RADX: variants seen among roughly 807,000 people sequenced by gnomAD.
RADX encodes the protein RPA-related protein RADX.
RADX carries 36 observed loss-of-function variants against 61.6 expected under a neutral mutation model. The ratio of observed to expected loss-of-function variants is 0.58; its 90% CI spans 0.45 to 0.77. The LOEUF (loss-of-function observed/expected upper bound fraction) is 0.77, where lower values mean the gene tolerates loss of function less well. RADX is among the 30% of genes least tolerant of loss of function. The pLI is 0.00. For synonymous variants in RADX, 272 were observed against 237.9 expected, an observed-to-expected ratio of 1.14 and a Z score of -1.32; for missense variants, 497 against 651.1, an observed-to-expected ratio of 0.76 and a Z score of 2.58.
chrX:106,626,619 G>T (rs769827552), intron 3 of RADX, among the ~76,000 whole-genome samples: 5 of 112,171 alleles, frequency 4.5e-5, no homozygotes, highest in South Asian at 3.7e-4. Context: ...TAAGGTATGA[G>T]AAATTATTTA....
chrX:106,670,046 TC>T (rs1012167869), intron 13 of RADX, among the ~76,000 whole-genome samples: 1 of 111,820 alleles, frequency 8.9e-6, no homozygotes, highest in Non-Finnish European at 1.9e-5. Flanking sequence ...TTGTGGTGGG[TC>T]TTTCTAAGCT....
rs569928731 is a variant in RADX at position 106,655,458 on chromosome X, A to G, written c.1979-6557A>G. ...CTGCACCCATTAACTCGTCATTTAC[A>G]TTAGGTATATCTCCTAATGCTATCC... On this transcript the variant is annotated intron_variant, in intron 11 of 13. Coordinates refer to ENST00000372548, the MANE Select transcript of RADX (RefSeq NM_018015.6). 1.1e-4 allele frequency among the ~76,000 whole-genome samples: 12 copies of G among 109,062 alleles called. No homozygotes were observed. The South Asian group carries it at 4.9e-3, about 45-fold the overall frequency. 94.7% of individuals were successfully genotyped at this position (109,062 alleles called of 115,157 possible).
chrX:106,677,980 T>C (rs971836612), intron 13 of RADX, 148 bp from the exon 14 acceptor site: 4 of 341,330 alleles, frequency 1.2e-5, no homozygotes, highest in Non-Finnish European at 2.0e-5. Context: ...ATAATTTTGG[T>C]AAATGCATGT....
intron 1 of RADX, among the ~76,000 whole-genome samples, chrX:106,618,126 G>A (rs768130355): frequency 1.4e-4 from 16 of 111,472 alleles, no homozygotes; most frequent in African/African-American, 4.6e-4. Flanking sequence ...ACCCCAAAAA[G>A]CTAAACAGAA....
intron 11 of RADX, 52 bp downstream of exon 11, chrX:106,648,438 C>A: frequency 1.2e-6 from 1 of 820,403 alleles, no homozygotes; most frequent in South Asian, 2.3e-5. Context: ...AAACATTATT[C>A]TATGAAGATT....
chrX:106,649,979 T>A (rs1249948945), intron 11 of RADX, among the ~76,000 whole-genome samples: 1 of 111,726 alleles, frequency 9.0e-6, no homozygotes, highest in Non-Finnish European at 1.9e-5. Context: ...AAAGTGTTCA[T>A]GGACATCTCA....
chrX:106,637,263 A>G (rs1906269994), intron 7 of RADX, among the ~76,000 whole-genome samples: 2 of 111,974 alleles, frequency 1.8e-5, no homozygotes, highest in South Asian at 7.5e-4. Context: ...AAGGTGTAAC[A>G]TACATCTTTG....
chrX:106,630,360 A>C (rs190973293), intron 3 of RADX, among the ~76,000 whole-genome samples: 1,988 of 109,538 alleles, frequency 0.018, 37 homozygotes, highest in African/African-American at 0.062. Flanking sequence ...AAAAAAAAAA[A>C]CACCTAATAA....
chrX:106,653,081 T>G (rs997059227), intron 11 of RADX, among the ~76,000 whole-genome samples: 28 of 108,770 alleles, frequency 2.6e-4, no homozygotes, highest in African/African-American at 9.0e-4. Flanking sequence ...CTGCAAAAGC[T>G]GCAAAAGCTG....
chrX:106,659,700 C>T (rs1360004684), intron 11 of RADX, among the ~76,000 whole-genome samples: 1 of 111,299 alleles, frequency 9.0e-6, no homozygotes, highest in Non-Finnish European at 1.9e-5. Flanking sequence ...CAACCAATAA[C>T]TGCCAATGTC....
chrX:106,641,823 T>C (rs765353175), intron 10 of RADX, among the ~76,000 whole-genome samples: 2 of 111,378 alleles, frequency 1.8e-5, no homozygotes, highest in African/African-American at 3.3e-5. Flanking sequence ...TTCTTCCATT[T>C]TCCTGAACAA....
At chrX:106,624,300 C>T (rs958104878) in intron 2 of RADX, among the ~76,000 whole-genome samples, 1 of 111,361 alleles carries the variant, frequency 9.0e-6, no homozygotes, top group African/African-American at 3.3e-5. Flanking sequence ...TCTATCAGAG[C>T]ATGCATAACC....
In RADX at chrX:106,612,035, G is replaced by A. The variant is rs755748411; in HGVS notation, c.-46G>A. 7 of 1,168,565 alleles carry A rather than the reference G, an allele frequency of 6.0e-6. No individual in the cohort carries two copies. The highest frequency in any genetic ancestry group is 8.0e-6 in the Non-Finnish European group (7 of 872,405). On this transcript the variant is annotated 5_prime_UTR_variant, in exon 1 of 14. Coordinates refer to ENST00000372548, the MANE Select transcript of RADX (RefSeq NM_018015.6). ...TTTTATTTCTCTCCGCTTTGGACGG[G>A]GCAAACTAGCTTTTGGGAGTGAAGC... is the stretch of plus-strand genomic sequence containing the variant.
At chrX:106,625,679 G>A (rs1927059374) in intron 3 of RADX, among the ~76,000 whole-genome samples, 1 of 111,129 alleles carries the variant, frequency 9.0e-6, no homozygotes, top group African/African-American at 3.3e-5. Context: ...TTGAAAGAAT[G>A]GTATAGAGAA....
At chrX:106,676,394 C>T (rs191941138) in intron 13 of RADX, among the ~76,000 whole-genome samples, 5 of 111,705 alleles carry the variant, frequency 4.5e-5, no homozygotes, top group Non-Finnish European at 9.4e-5. Context: ...TAAAAAGTGC[C>T]CCCAAATAGT....
intron 3 of RADX, among the ~76,000 whole-genome samples, chrX:106,630,621 T>TA (rs1485849311): frequency 1.8e-5 from 2 of 110,777 alleles, no homozygotes; most frequent in Non-Finnish European, 3.8e-5. Flanking sequence ...CACAAAGTAT[T>TA]AAAAAAATAG....
chrX:106,668,791 G>A lies in RADX; in HGVS notation c.2270-372G>A, dbSNP rs759183627. 3.6e-5 allele frequency among the ~76,000 whole-genome samples: 4 copies of A among 111,651 alleles called. No homozygotes were observed. In the Admixed American group the frequency reaches 3.8e-4, roughly 11 times the overall value. ...TGAGTCCAAATGGCAATAAGGGAACGAATAGTCATCTCCAAACTCCCCTGC... is the reference window on the plus strand; with the variant it reads ...TGAGTCCAAATGGCAATAAGGGAACAAATAGTCATCTCCAAACTCCCCTGC... On this transcript the variant is annotated intron_variant, in intron 12 of 13. Coordinates refer to ENST00000372548, the MANE Select transcript of RADX (RefSeq NM_018015.6).
intron 10 of RADX, among the ~76,000 whole-genome samples, chrX:106,645,247 A>G (rs1927627536): frequency 9.1e-6 from 1 of 109,591 alleles, no homozygotes; most frequent in South Asian, 3.8e-4. Flanking sequence ...TGATTTTCTC[A>G]TTTCAATTTT....
At chrX:106,618,201 T>A (rs1462457288) in intron 1 of RADX, among the ~76,000 whole-genome samples, 3 of 111,409 alleles carry the variant, frequency 2.7e-5, no homozygotes, top group Non-Finnish European at 3.8e-5. Flanking sequence ...TCACAACATC[T>A]AGTTTCCAAC....
Sources: allele counts gnomAD v4.1 joint callset (sites outside exome capture counted in the v4.1 genomes callset), GRCh38; gene constraint gnomAD v4.1.1; transcripts MANE v1.5; gene names NCBI Gene and HGNC (gene_info 2026-07-23, HGNC 2026-07-21).